TNNI1: variants seen among roughly 807,000 people sequenced by gnomAD.
The protein encoded by TNNI1 is troponin I1, slow skeletal type, also known as troponin I, slow skeletal muscle.
A neutral mutation model predicts 26.7 loss-of-function variants in TNNI1; 14 were observed. The observed-to-expected ratio is 0.52, with a 90% CI of 0.35 to 0.82. TNNI1 has a LOEUF of 0.82. Among genes scored for constraint, TNNI1 ranks in the 40% least tolerant of loss-of-function variants. TNNI1 has a pLI of 0.01. For missense variants in TNNI1, 164 were observed against 257.0 expected, an observed-to-expected ratio of 0.64 and a Z score of 2.47; for synonymous variants, 79 against 98.2, an observed-to-expected ratio of 0.80 and a Z score of 1.16.
intron 5 of TNNI1, among the ~76,000 whole-genome samples, chr1:201,414,029 A>G (rs1042665467): frequency 2.6e-5 from 4 of 152,266 alleles, no homozygotes; most frequent in Non-Finnish European, 5.9e-5. Flanking sequence ...GTATTAAACA[A>G]AAATAATAAA....
At chr1:201,412,796 G>A (rs555734355) in intron 6 of TNNI1, among the ~76,000 whole-genome samples, 2 of 152,358 alleles carry the variant, frequency 1.3e-5, no homozygotes, top group South Asian at 4.1e-4. Flanking sequence ...AGCAGCTTCT[G>A]TTAGGCTGAT....
chr1:201,408,543 A>G lies in TNNI1; in HGVS notation c.*710T>C, dbSNP rs1662570013. On this transcript the variant is annotated 3_prime_UTR_variant, in exon 9 of 9. Coordinates refer to ENST00000361379, the MANE Select transcript of TNNI1 (RefSeq NM_003281.4). The stretch of plus-strand genomic sequence containing the variant: ...GTTTGCAGAGGAAGGAGAGTATGAA[A>G]GCCGGCAGGAGAAGCGGCTCTTAAT... 1 of 152,480 alleles carries G rather than the reference A, an allele frequency of 6.6e-6. No individual in the cohort carries two copies. Among genetic ancestry groups the G allele is most frequent in the Non-Finnish European group, 1.5e-5 (1 of 68,202 alleles). The allele number at this position is 152,480 out of a possible 1,614,324, so 9.4% of individuals were successfully genotyped here.
chr1:201,414,681 C>T, intron 4 of TNNI1, 32 bp from the exon 5 acceptor site: 3 of 1,602,804 alleles, frequency 1.9e-6, no homozygotes, highest in Non-Finnish European at 8.5e-7. Context: ...AGCTGGGGGC[C>T]TCACATCTCC....
chr1:201,410,027 A>G (rs1468188335), intron 8 of TNNI1: 3 of 260,480 alleles, frequency 1.2e-5, no homozygotes, highest in Non-Finnish European at 2.2e-5. Flanking sequence ...TTTGCATCCC[A>G]GGTGATGTAG....
chr1:201,410,146 A>G (rs1213638961), intron 8 of TNNI1, 180 bp downstream of exon 8: 1 of 550,776 alleles, frequency 1.8e-6, no homozygotes, highest in Non-Finnish European at 3.2e-6. Flanking sequence ...GACATGCCCA[A>G]GTATCATGGT....
intron 1 of TNNI1, among the ~76,000 whole-genome samples, chr1:201,420,855 C>T (rs540948710): frequency 2.6e-5 from 4 of 152,310 alleles, no homozygotes; most frequent in African/African-American, 4.8e-5. Context: ...AACCTGGTGG[C>T]AGGTGCTGCC....
intron 3 of TNNI1, 100 bp from the exon 4 acceptor site, chr1:201,415,354 T>G: frequency 1.6e-6 from 2 of 1,256,132 alleles, no homozygotes; most frequent in Non-Finnish European, 2.3e-6. Flanking sequence ...TTCTCTATCT[T>G]TATCCGGAAT....
At position 201,406,472 on chromosome 1, in the gene TNNI1, A is replaced by C. The variant is rs1381417598; in HGVS notation, c.*2781T>G. 6.6e-6 allele frequency: 1 copy of C among 152,196 alleles called. No individual in the cohort carries two copies. Among genetic ancestry groups the C allele is most frequent in the African/African-American group, 2.4e-5 (1 of 41,440 alleles). The allele number at this position is 152,196 out of a possible 1,614,324, so 9.4% of individuals were successfully genotyped here. The stretch of plus-strand genomic sequence containing the variant: ...ACCTCTCTGTGCCTCAGTTTTCCCC[A>C]CTGTACCATGAGAATAGTAGCTGTA... On this transcript the variant is annotated 3_prime_UTR_variant, in exon 9 of 9. Transcript: ENST00000361379.
rs1037377006 is a variant in TNNI1 at position 201,411,634 on chromosome 1, C to G, written c.280-101G>C. On this transcript the variant is annotated intron_variant, in intron 6 of 8. Transcript: ENST00000361379. The surrounding 1 kb of genome is among the most constrained non-coding windows in gnomAD (Gnocchi z 4.6). ...GCTAGGGTTCCAGCCAGAGATACAC[C>G]TTAAATTGTCCACCCTTGAAGCCAG... The G allele has an allele frequency of 8.0e-7, 1 of 1,244,326 alleles. No homozygotes were observed. Among genetic ancestry groups the G allele is most frequent in the African/African-American group, 1.6e-5 (1 of 63,674 alleles). 77.1% of individuals were successfully genotyped at this position (1,244,326 alleles called of 1,614,324 possible).
At chr1:201,413,201 C>T (rs1043627787) in intron 5 of TNNI1, 80 bp from the exon 6 acceptor site, 4 of 1,522,942 alleles carry the variant, frequency 2.6e-6, no homozygotes, top group Admixed American at 3.4e-5. Flanking sequence ...ACCCTCTCCC[C>T]AGCCCCTTTG....
At chr1:201,421,286 ACC>A (rs1662852365) in intron 1 of TNNI1, among the ~76,000 whole-genome samples, 1 of 151,744 alleles carries the variant, frequency 6.6e-6, no homozygotes, top group South Asian at 2.1e-4. Context: ...TTGAGCACTC[ACC>A]CTGGCTCTCT....
rs1300415662 is a variant in TNNI1 at position 201,408,506 on chromosome 1, G to A, written c.*747C>T. The stretch of plus-strand genomic sequence containing the variant: ...CTCTCAACCCAGCACACATCAGGGA[G>A]AGTTAATCCAGGTTTGCAGAGGAAG... On this transcript the variant is annotated 3_prime_UTR_variant, in exon 9 of 9. Coordinates refer to ENST00000361379, the MANE Select transcript of TNNI1 (RefSeq NM_003281.4). 6.6e-6 allele frequency: 1 copy of A among 152,456 alleles called. No individual in the cohort carries two copies. Among genetic ancestry groups the A allele is most frequent in the African/African-American group, 2.4e-5 (1 of 41,458 alleles). The allele number at this position is 152,456 out of a possible 1,614,324, so 9.4% of individuals were successfully genotyped here.
chr1:201,410,268 C>A (rs1662608605), intron 8 of TNNI1, 58 bp downstream of exon 8: 1 of 1,490,714 alleles, frequency 6.7e-7, no homozygotes, highest in South Asian at 1.1e-5. Context: ...ATTGTGGACT[C>A]CCTCATTATC....
rs1017684690 is a variant in TNNI1, at chr1:201,404,433, G to A, written c.*4820C>T. ...AGACCCACGCCCTAAAGAATCCAGG[G>A]CAGTAAGCTCCCTGGCTTTCGGTTT... On this transcript the variant is annotated 3_prime_UTR_variant, in exon 9 of 9. Transcript: ENST00000361379. 3 of 152,176 alleles carry A rather than the reference G, an allele frequency of 2.0e-5. No individual in the cohort carries two copies. The highest frequency in any genetic ancestry group is 2.1e-4 in the South Asian group (1 of 4,826). 9.4% of individuals were successfully genotyped at this position (152,176 alleles called of 1,614,324 possible).
chr1:201,419,478 G>A (rs1662818898), intron 1 of TNNI1, among the ~76,000 whole-genome samples: 1 of 152,194 alleles, frequency 6.6e-6, no homozygotes, highest in African/African-American at 2.4e-5. Flanking sequence ...AAGGATGGGA[G>A]AGCCTAGTGT....
chr1:201,411,620 AG>A lies in TNNI1; in HGVS notation c.280-88del, dbSNP rs1203491011. On this transcript the variant is annotated intron_variant, in intron 6 of 8. Coordinates refer to ENST00000361379, the MANE Select transcript of TNNI1 (RefSeq NM_003281.4). This position sits in a 1 kb window ranked among gnomAD's most constrained non-coding sequence, Gnocchi z 4.6. ...GAGGACCTCAGACTGCTAGGGTTCC[AG>A]CCAGAGATACACCTTAAATTGTCCA... 5.2e-6 allele frequency: 7 copies of A among 1,338,438 alleles called. No individual in the cohort carries two copies. Among genetic ancestry groups the A allele is most frequent in the Non-Finnish European group, 6.9e-6 (7 of 1,013,870 alleles). 82.9% of individuals were successfully genotyped at this position (1,338,438 alleles called of 1,614,324 possible).
intron 6 of TNNI1, among the ~76,000 whole-genome samples, chr1:201,412,753 G>A (rs1188043139): frequency 6.6e-6 from 1 of 152,250 alleles, no homozygotes; most frequent in Admixed American, 6.5e-5. Flanking sequence ...GTTATTAACA[G>A]GCATATGATT....
At chr1:201,419,886 T>A (rs1388548829) in intron 1 of TNNI1, among the ~76,000 whole-genome samples, 3 of 152,194 alleles carry the variant, frequency 2.0e-5, no homozygotes, top group Non-Finnish European at 4.4e-5. Flanking sequence ...ATTCCTGAGA[T>A]GCTTGGCTGG....
At position 201,414,599 on chromosome 1, in the gene TNNI1, C is replaced by T. The variant is rs1662702292; in HGVS notation, c.108G>A (p.Glu36=). 3.7e-6 allele frequency: 6 copies of T among 1,613,970 alleles called. No individual in the cohort carries two copies. Among genetic ancestry groups the T allele is most frequent in the Non-Finnish European group, 5.1e-6 (6 of 1,180,014 alleles). The change falls in exon 5 of 9, where the codon GAG becomes GAA. Residue 36 remains glutamate (E), a synonymous_variant. Coordinates refer to ENST00000361379, the MANE Select transcript of TNNI1 (RefSeq NM_003281.4). The part of the protein sequence containing the change: ...AKECWEQEHE[E]REAEKVRYLA... ...GGTAGCGCACCTTCTCAGCCTCGCG[C>T]TCCTCGTGCTCCTGCTCCCAGCATT...
Sources: gnomAD v4.1 joint callset for allele counts (sites outside exome capture counted in the v4.1 genomes callset) on GRCh38, gnomAD v4.1.1 for gene constraint, Gnocchi (gnomAD v3.1) non-coding constraint, MANE v1.5 for transcripts, NCBI Gene and HGNC (gene_info 2026-07-23, HGNC 2026-07-21) for gene names.